Variants in UQCC1 observed in about 807,000 individuals in gnomAD.
The protein encoded by UQCC1 is bFGF-repressed Zic-binding protein.
UQCC1 carries 38 observed loss-of-function variants against 48.0 expected under a neutral mutation model. The ratio of observed to expected loss-of-function variants is 0.79; its 90% CI spans 0.61 to 1.04. UQCC1 has a LOEUF of 1.04. Among genes scored for constraint, UQCC1 ranks in the 50% least tolerant of loss-of-function variants. The pLI is 0.00. For synonymous variants in UQCC1, 111 were observed against 129.2 expected (o/e 0.86, Z 0.95); for missense variants, 368 against 381.8 (o/e 0.96, Z 0.30).
intron 8 of UQCC1, among the ~76,000 whole-genome samples, chr20:35,308,349 C>T (rs776763098): frequency 2.8e-4 from 42 of 152,280 alleles, no homozygotes; most frequent in African/African-American, 6.8e-4. Context: ...CTTCTGCAAA[C>T]GATTTGCTAG....
intron 6 of UQCC1, among the ~76,000 whole-genome samples, chr20:35,363,028 T>TAAAAAAAAAAAAAAAAA (rs60988214): frequency 1.9e-4 from 15 of 80,462 alleles, no homozygotes; most frequent in East Asian, 3.6e-4. Flanking sequence ...TCCTTAAAAC[T>TAAAAAAAAAAAAAAAAA]AAAAAAAAAA....
At chr20:35,351,294 G>A (rs1469298302) in intron 6 of UQCC1, among the ~76,000 whole-genome samples, 5 of 151,244 alleles carry the variant, frequency 3.3e-5, no homozygotes, top group East Asian at 1.9e-4. Flanking sequence ...GAGACACTGC[G>A]GCAGGAGAAT....
intron 4 of UQCC1, among the ~76,000 whole-genome samples, chr20:35,375,989 C>T (rs2061794436): frequency 1.3e-5 from 2 of 148,528 alleles, no homozygotes; most frequent in South Asian, 4.3e-4. Context: ...AAGCCAAAGC[C>T]GTTTCTTTAA....
chr20:35,392,204 G>A, intron 2 of UQCC1: 3 of 1,298,068 alleles, frequency 2.3e-6, no homozygotes, highest in Non-Finnish European at 3.1e-6. Flanking sequence ...TTCTCATTCT[G>A]AGCCAAATCT....
intron 7 of UQCC1, among the ~76,000 whole-genome samples, chr20:35,342,902 C>T (rs2146377072): frequency 6.6e-6 from 1 of 152,230 alleles, no homozygotes; most frequent in Admixed American, 6.5e-5. Context: ...GAGTCTGCTC[C>T]ATTTTTCACA....
At chr20:35,311,547 C>T (rs79498267) in intron 8 of UQCC1, among the ~76,000 whole-genome samples, 2,137 of 152,264 alleles carry the variant, frequency 0.014, 27 homozygotes, top group South Asian at 0.054. Context: ...CTTGTGACTC[C>T]AAGTGTGGTC....
At chr20:35,367,092 TAA>T (rs72469122) in intron 5 of UQCC1, among the ~76,000 whole-genome samples, 2 of 101,782 alleles carry the variant, frequency 2.0e-5, no homozygotes. Flanking sequence ...AGACTCTGTC[TAA>T]AAAAAAAAAA....
At chr20:35,375,869 A>G (rs1187275933) in intron 4 of UQCC1, among the ~76,000 whole-genome samples, 1 of 131,346 alleles carries the variant, frequency 7.6e-6, no homozygotes, top group Non-Finnish European at 1.6e-5. Context: ...TAGGAGGCTG[A>G]GCCTGGAAGG....
At chr20:35,330,545 C>T (rs543063549) in intron 7 of UQCC1, among the ~76,000 whole-genome samples, 12 of 152,232 alleles carry the variant, frequency 7.9e-5, no homozygotes, top group Non-Finnish European at 1.6e-4. Flanking sequence ...TGAGGATCAT[C>T]ACCAAGTGAG....
chr20:35,382,575 A>C (rs1428390715), intron 3 of UQCC1, among the ~76,000 whole-genome samples: 4 of 126,984 alleles, frequency 3.1e-5, no homozygotes, highest in Non-Finnish European at 6.3e-5. Context: ...TGCAGTGGCG[A>C]GATCTCGGCT....
At chr20:35,335,464 T>TAAAA (rs1397757791) in intron 7 of UQCC1, among the ~76,000 whole-genome samples, 2 of 151,600 alleles carry the variant, frequency 1.3e-5, no homozygotes, top group African/African-American at 4.9e-5. Flanking sequence ...AAAAAATAAA[T>TAAAA]AAATAAAAAG....
chr20:35,309,376 T>G (rs752486529), intron 8 of UQCC1, among the ~76,000 whole-genome samples: 3 of 151,704 alleles, frequency 2.0e-5, no homozygotes, highest in Non-Finnish European at 4.4e-5. Flanking sequence ...GAGGATACAG[T>G]GAGCTGTGAT....
At chr20:35,410,481 G>A (rs143151814) in intron 1 of UQCC1, among the ~76,000 whole-genome samples, 2,135 of 148,652 alleles carry the variant, frequency 0.014, 51 homozygotes, top group African/African-American at 0.049. Flanking sequence ...GCAGTGAGCC[G>A]AGATCACACC....
chr20:35,376,947 T>TCAAAACAAAA (rs1178698253), intron 4 of UQCC1, among the ~76,000 whole-genome samples: 1 of 134,514 alleles, frequency 7.4e-6, no homozygotes, highest in Non-Finnish European at 1.6e-5. Context: ...AGACTCCATC[T>TCAAAACAAAA]CAAAACAAAA....
chr20:35,411,874 C>T (rs2062370946), intron 1 of UQCC1, 66 bp downstream of exon 1: 8 of 1,605,712 alleles, frequency 5.0e-6, no homozygotes, highest in Non-Finnish European at 6.0e-6. Context: ...ATTCCTCCCG[C>T]CCTGCCTTGT....
At chr20:35,382,325 A>AG (rs904224679) in intron 3 of UQCC1, among the ~76,000 whole-genome samples, 9 of 151,106 alleles carry the variant, frequency 6.0e-5, no homozygotes, top group African/African-American at 1.7e-4. Flanking sequence ...TTCTCTGGAG[A>AG]GGGGGGGTCC....
chr20:35,308,252 C>T (rs546081256), intron 8 of UQCC1, among the ~76,000 whole-genome samples: 18 of 152,274 alleles, frequency 1.2e-4, no homozygotes, highest in Non-Finnish European at 1.9e-4. Flanking sequence ...CAGCTTAGGA[C>T]TGTCCTGGCA....
intron 5 of UQCC1, among the ~76,000 whole-genome samples, chr20:35,371,835 C>T (rs1568688866): frequency 6.6e-6 from 1 of 151,144 alleles, no homozygotes; most frequent in Non-Finnish European, 1.5e-5. Context: ...CATAGTGAGA[C>T]CCTGTCTCTA....
intron 6 of UQCC1, among the ~76,000 whole-genome samples, chr20:35,350,340 G>C (rs1172425808): frequency 6.6e-6 from 1 of 152,160 alleles, no homozygotes; most frequent in Non-Finnish European, 1.5e-5. Flanking sequence ...TCAAAAAGTA[G>C]AGAATTTGTC....
Sources: gnomAD v4.1 joint callset for allele counts (sites outside exome capture counted in the v4.1 genomes callset) on GRCh38, gnomAD v4.1.1 for gene constraint, MANE v1.5 for transcripts, NCBI Gene and HGNC (gene_info 2026-07-23, HGNC 2026-07-21) for gene names.